ATXN1: variants seen among roughly 807,000 people sequenced by gnomAD.
ATXN1 encodes the protein ataxin-1.
ATXN1 carries 8 observed loss-of-function variants against 56.4 expected under a neutral mutation model. The observed-to-expected ratio is 0.14, with a 90% CI of 0.08 to 0.26. ATXN1 has a LOEUF of 0.26. ATXN1 is among the 10% of genes least tolerant of loss of function. The pLI is 1.00. For missense variants in ATXN1, 987 were observed against 1,106.5 expected, an observed-to-expected ratio of 0.89 and a Z score of 1.53; for synonymous variants, 514 against 494.6, an observed-to-expected ratio of 1.04 and a Z score of -0.52.
intron 3 of ATXN1, among the ~76,000 whole-genome samples, chr6:16,620,385 G>C (rs547288647): frequency 9.3e-5 from 14 of 151,220 alleles, no homozygotes; most frequent in Non-Finnish European, 1.6e-4. Flanking sequence ...TTGTGCTATC[G>C]TTTAGTGATG....
chr6:16,499,651 G>A (rs868139902), intron 5 of ATXN1, among the ~76,000 whole-genome samples: 13 of 152,102 alleles, frequency 8.5e-5, no homozygotes, highest in African/African-American at 2.7e-4. Context: ...TTCCAAGCCC[G>A]ACACCCACCC....
rs115929734 is a variant in ATXN1 at position 16,390,762 on chromosome 6, C to T, written c.-160-62292G>A. Among the ~76,000 whole-genome samples, 829 of 152,024 alleles carry T rather than the reference C, an allele frequency of 5.5e-3. 5 individuals carry two copies. The highest frequency in any genetic ancestry group is 0.019 in the African/African-American group (769 of 41,454). On this transcript the variant is annotated intron_variant, in intron 6 of 7. Coordinates refer to ENST00000436367, the MANE Select transcript of ATXN1 (RefSeq NM_001128164.2). ...GCAGAGAGTACACCAGACAAGAAGCCGTAAGTGTCGGTTCTAGTTCCAATT... is the reference window on the plus strand; with the variant it reads ...GCAGAGAGTACACCAGACAAGAAGCTGTAAGTGTCGGTTCTAGTTCCAATT...
Position 16,326,236 on chromosome 6 carries a change from T to G in ATXN1, c.1917+158A>C, listed in dbSNP as rs1480425285. ...AGAGATCACGGGGAAATGGGGCTTA[T>G]TTTTTCTAGAGAACGCAGTTGGGAA... On this transcript the variant is annotated intron_variant, in intron 7 of 7. Coordinates refer to ENST00000436367, the MANE Select transcript of ATXN1 (RefSeq NM_001128164.2). This position sits in a 1 kb window ranked among gnomAD's most constrained non-coding sequence, Gnocchi z 6.6. 3.3e-5 allele frequency among the ~76,000 whole-genome samples: 5 copies of G among 152,180 alleles called. No individual in the cohort carries two copies. Among genetic ancestry groups the G allele is most frequent in the African/African-American group, 1.2e-4 (5 of 41,434 alleles).
At position 16,363,951 on chromosome 6, in the gene ATXN1, A is replaced by C. The variant is rs116269613; in HGVS notation, c.-160-35481T>G. Among the ~76,000 whole-genome samples the C allele has an allele frequency of 6.0e-4, 91 of 152,352 alleles. 1 individual carries two copies. The highest frequency in any genetic ancestry group is 2.1e-3 in the African/African-American group (87 of 41,594). On this transcript the variant is annotated intron_variant, in intron 6 of 7. Transcript: ENST00000436367. ...AATCCCAACCTAAAATTGCTGAGTC[A>C]GTGGGAATTTCTCAGGGAATCCATG...
chr6:16,626,919 C>G (rs138396773), intron 3 of ATXN1, among the ~76,000 whole-genome samples: 1 of 152,308 alleles, frequency 6.6e-6, no homozygotes, highest in East Asian at 1.9e-4. Context: ...AAGGAACCAA[C>G]TTTCCTGACA....
intron 3 of ATXN1, among the ~76,000 whole-genome samples, chr6:16,589,220 A>G (rs1762680005): frequency 6.6e-6 from 1 of 152,074 alleles, no homozygotes; most frequent in African/African-American, 2.4e-5. Context: ...TCCCTATTAA[A>G]GCAATTATCA....
chr6:16,402,888 T>C (rs953154781), intron 6 of ATXN1, among the ~76,000 whole-genome samples: 2 of 152,148 alleles, frequency 1.3e-5, no homozygotes, highest in African/African-American at 4.8e-5. Context: ...CTCTCCTACA[T>C]CAAACGTTAT....
chr6:16,306,865 G>T lies in ATXN1; in HGVS notation c.1918-6C>A. ...ACCAAAACTTCAACGCTGACCTGTG[G>T]AAACAGGGAGAGACAGAGAGAGGAA... On this transcript the variant is annotated splice_region_variant and splice_polypyrimidine_tract_variant and intron_variant, in intron 7 of 7. Transcript: ENST00000436367. The surrounding 1 kb of genome is among the most constrained non-coding windows in gnomAD (Gnocchi z 5.2). 1 of 1,592,364 alleles carries T rather than the reference G, an allele frequency of 6.3e-7. No individual in the cohort carries two copies. The highest frequency in any genetic ancestry group is 2.2e-5 in the East Asian group (1 of 44,730).
chr6:16,445,186 T>G (rs998719745), intron 6 of ATXN1, among the ~76,000 whole-genome samples: 1 of 152,176 alleles, frequency 6.6e-6, no homozygotes, highest in African/African-American at 2.4e-5. Context: ...TAGGAAAATA[T>G]GAATACTGAC....
intron 1 of ATXN1, among the ~76,000 whole-genome samples, chr6:16,759,629 T>C (rs1581431380): frequency 2.0e-5 from 3 of 149,050 alleles, no homozygotes; most frequent in East Asian, 4.0e-4. Flanking sequence ...TAGGATTATA[T>C]ACCAAGAAAG....
At position 16,326,517 on chromosome 6, in the gene ATXN1, G is replaced by A. The variant is rs868031755; in HGVS notation, c.1794C>T (p.Phe598=). ...CGTTGCTTATCTCTGCACTCTGGAT[G>A]AAATCTTCTGTTTTTAAGTCTTCCA... The part of the protein sequence containing the change: ...KKVEDLKTED[F]IQSAEISNDL... Residue 598 remains phenylalanine, a synonymous_variant, in exon 7 of 8, where the codon TTC becomes TTT. Transcript: ENST00000436367. This position sits in a 1 kb window ranked among gnomAD's most constrained non-coding sequence, Gnocchi z 6.6. The A allele has an allele frequency of 6.2e-7, 1 of 1,614,090 alleles. No individual in the cohort carries two copies. The highest frequency in any genetic ancestry group is 1.3e-5 in the African/African-American group (1 of 74,932).
At chr6:16,556,331 T>C (rs1019280500) in intron 4 of ATXN1, among the ~76,000 whole-genome samples, 1 of 152,238 alleles carries the variant, frequency 6.6e-6, no homozygotes, top group Non-Finnish European at 1.5e-5. Flanking sequence ...TCCACCTTTC[T>C]TCCTTTTCTC....
intron 2 of ATXN1, among the ~76,000 whole-genome samples, chr6:16,660,249 T>C (rs893739845): frequency 1.3e-5 from 2 of 152,216 alleles, no homozygotes; most frequent in South Asian, 2.1e-4. Flanking sequence ...TGTTTACCAT[T>C]TGAAGTTATC....
intron 6 of ATXN1, among the ~76,000 whole-genome samples, chr6:16,463,458 A>G (rs1395091344): frequency 6.6e-6 from 1 of 152,214 alleles, no homozygotes; most frequent in Non-Finnish European, 1.5e-5. Context: ...TAGCCAGTTT[A>G]TCTACTTCAT....
chr6:16,338,698 G>A (rs1427369453), intron 6 of ATXN1, among the ~76,000 whole-genome samples: 1 of 152,122 alleles, frequency 6.6e-6, no homozygotes, highest in Non-Finnish European at 1.5e-5. Flanking sequence ...TGAATTCTCA[G>A]TGATCACCCA....
intron 4 of ATXN1, among the ~76,000 whole-genome samples, chr6:16,577,046 T>C (rs1762435272): frequency 6.6e-6 from 1 of 152,142 alleles, no homozygotes; most frequent in South Asian, 2.1e-4. Flanking sequence ...TGCTTCACTG[T>C]CTCCGTTTCA....
intron 6 of ATXN1, among the ~76,000 whole-genome samples, chr6:16,465,681 A>G (rs761355657): frequency 2.6e-5 from 4 of 152,168 alleles, no homozygotes; most frequent in Non-Finnish European, 5.9e-5. Flanking sequence ...AAGAGCCACA[A>G]GCCTCCAGTT....
At chr6:16,458,567 C>G (rs955122563) in intron 6 of ATXN1, among the ~76,000 whole-genome samples, 5 of 152,034 alleles carry the variant, frequency 3.3e-5, no homozygotes, top group African/African-American at 1.2e-4. Flanking sequence ...TAATAGGAAC[C>G]AAGAGGAACA....
intron 6 of ATXN1, among the ~76,000 whole-genome samples, chr6:16,432,308 C>A (rs1361520081): frequency 1.3e-5 from 2 of 152,158 alleles, no homozygotes. Flanking sequence ...GGCAAGGCTG[C>A]CAGGCTCATG....
Sources: allele counts gnomAD v4.1 joint callset (sites outside exome capture counted in the v4.1 genomes callset), GRCh38; gene constraint gnomAD v4.1.1; non-coding constraint Gnocchi (gnomAD v3.1); transcripts MANE v1.5; gene names NCBI Gene and HGNC (gene_info 2026-07-23, HGNC 2026-07-21).